Variants in SUGCT observed in about 807,000 individuals in gnomAD.
SUGCT encodes the protein succinyl-CoA:glutarate CoA-transferase.
A neutral mutation model predicts 55.0 loss-of-function variants in SUGCT; 41 were observed. That is an observed-to-expected ratio of 0.74 (90% CI 0.58 to 0.97). The LOEUF (loss-of-function observed/expected upper bound fraction) is 0.97. Among genes scored for constraint, SUGCT ranks in the 50% least tolerant of loss-of-function variants. The pLI is 0.00. For synonymous variants in SUGCT, 187 were observed against 200.4 expected (o/e 0.93, Z 0.56); for missense variants, 568 against 547.8 (o/e 1.04, Z -0.37).
intron 12 of SUGCT, among the ~76,000 whole-genome samples, chr7:40,645,794 C>G (rs553836318): frequency 2.6e-5 from 4 of 152,258 alleles, no homozygotes; most frequent in African/African-American, 9.6e-5. Flanking sequence ...GGTGGGAGGT[C>G]AGCTTCTCTG....
Position 40,738,632 on chromosome 7 carries a change from C to T in SUGCT, c.1090-10802C>T, listed in dbSNP as rs115127090. Among the ~76,000 whole-genome samples, 1,370 of 152,192 alleles carry T rather than the reference C, an allele frequency of 9.0e-3. 16 individuals are homozygous for T. Among genetic ancestry groups the T allele is most frequent in the African/African-American group, 0.031 (1,284 of 41,528 alleles). ...TCATGTCAATAAAAATTTGAATTCA[C>T]CTGAAACAGATAATTATTCTAAAAT... On this transcript the variant is annotated intron_variant, in intron 12 of 13. Coordinates refer to ENST00000335693, the MANE Select transcript of SUGCT (RefSeq NM_001193313.2).
chr7:40,663,480 GGTGTAT>G (rs1562933193), intron 12 of SUGCT, among the ~76,000 whole-genome samples: 6 of 136,336 alleles, frequency 4.4e-5, no homozygotes, highest in African/African-American at 1.8e-4. Context: ...ATTACTTTGT[GGTGTAT>G]GTGTGTGTGT....
At chr7:40,960,950 A>C in the SUGCT span, among the ~76,000 whole-genome samples, 3 of 152,242 alleles carry the variant, frequency 2.0e-5, no homozygotes, top group African/African-American at 7.2e-5. Flanking sequence ...GGAAAGTCTG[A>C]AAAGCATTTA....
intron 10 of SUGCT, among the ~76,000 whole-genome samples, chr7:40,453,657 C>T (rs780223459): frequency 6.6e-6 from 1 of 152,166 alleles, no homozygotes; most frequent in Non-Finnish European, 1.5e-5. Flanking sequence ...AACTGGCAGC[C>T]TGGATGTAAC....
At chr7:40,226,225 G>A (rs1227968210) in intron 6 of SUGCT, among the ~76,000 whole-genome samples, 1 of 152,060 alleles carries the variant, frequency 6.6e-6, no homozygotes. Context: ...TGTACCATAA[G>A]GGCAAAAGAG....
intron 12 of SUGCT, among the ~76,000 whole-genome samples, chr7:40,728,912 A>T (rs1389357470): frequency 6.6e-6 from 1 of 152,150 alleles, no homozygotes; most frequent in African/African-American, 2.4e-5. Context: ...TGTGTGCCAA[A>T]TGCTCCTCAG....
chr7:41,009,752 C>T, the SUGCT span, among the ~76,000 whole-genome samples: 8 of 152,224 alleles, frequency 5.3e-5, no homozygotes, highest in African/African-American at 1.4e-4. Flanking sequence ...GATTCTTGTC[C>T]CTTAAAAGCT....
chr7:40,892,785 A>G, the SUGCT span, among the ~76,000 whole-genome samples: 1 of 152,166 alleles, frequency 6.6e-6, no homozygotes, highest in Non-Finnish European at 1.5e-5. Flanking sequence ...TGATCCTCTC[A>G]TCGTGACCTC....
At chr7:40,805,922 C>T (rs902463546) in intron 13 of SUGCT, among the ~76,000 whole-genome samples, 2 of 152,164 alleles carry the variant, frequency 1.3e-5, no homozygotes, top group Admixed American at 1.3e-4. Context: ...ACGTTAGAGA[C>T]AAATGCCAGG....
At chr7:40,293,386 C>G (rs1340567740) in intron 8 of SUGCT, among the ~76,000 whole-genome samples, 3 of 152,194 alleles carry the variant, frequency 2.0e-5, no homozygotes, top group African/African-American at 7.2e-5. Context: ...TCTGCTGTCT[C>G]TTTCCCATCC....
intron 12 of SUGCT, among the ~76,000 whole-genome samples, chr7:40,566,066 T>C (rs1435475863): frequency 1.3e-5 from 2 of 151,596 alleles, no homozygotes; most frequent in Non-Finnish European, 2.9e-5. Flanking sequence ...GGCCATAATA[T>C]ACACTCAGTG....
intron 12 of SUGCT, among the ~76,000 whole-genome samples, chr7:40,530,379 C>T (rs1274652171): frequency 6.6e-6 from 1 of 152,120 alleles, no homozygotes; most frequent in Non-Finnish European, 1.5e-5. Flanking sequence ...AATAAAAATT[C>T]AAACTGACCA....
chr7:40,371,782 G>C (rs1442561083), intron 9 of SUGCT, among the ~76,000 whole-genome samples: 1 of 151,966 alleles, frequency 6.6e-6, no homozygotes, highest in African/African-American at 2.4e-5. Flanking sequence ...TCTTCGAAAA[G>C]ATTACAGAAA....
the SUGCT span, chr7:40,967,136 T>C: frequency 1.3e-5 from 2 of 152,240 alleles, no homozygotes; most frequent in Admixed American, 1.3e-4. Context: ...GTTACCCAAA[T>C]GGGTGAGAAA....
chr7:40,139,088 G>C (rs1243705111), intron 1 of SUGCT, among the ~76,000 whole-genome samples: 1 of 151,206 alleles, frequency 6.6e-6, no homozygotes, highest in African/African-American at 2.4e-5. Flanking sequence ...ATTGCCCATT[G>C]TACTCCAGCC....
the SUGCT span, among the ~76,000 whole-genome samples, chr7:41,032,151 C>G: frequency 1.5e-4 from 23 of 152,220 alleles, no homozygotes; most frequent in African/African-American, 5.5e-4. Flanking sequence ...AACCAACAAG[C>G]AAATACACAC....
chr7:40,219,740 A>G (rs576801364), intron 6 of SUGCT, among the ~76,000 whole-genome samples: 109 of 152,284 alleles, frequency 7.2e-4, no homozygotes, highest in African/African-American at 2.5e-3. Context: ...AAAAAAAACT[A>G]AAAAACTTCT....
intron 1 of SUGCT, among the ~76,000 whole-genome samples, chr7:40,165,057 A>G (rs1784356371): frequency 6.6e-6 from 1 of 152,198 alleles, no homozygotes; most frequent in Non-Finnish European, 1.5e-5. Context: ...ACTATTATAG[A>G]TAAAGCTTCA....
chr7:40,415,520 A>G (rs556580408), intron 9 of SUGCT, among the ~76,000 whole-genome samples: 1 of 151,072 alleles, frequency 6.6e-6, no homozygotes, highest in African/African-American at 2.4e-5. Context: ...TTTTTTATCT[A>G]ATCAAATATT....
Sources: gnomAD v4.1 joint callset for allele counts (sites outside exome capture counted in the v4.1 genomes callset) on GRCh38, gnomAD v4.1.1 for gene constraint, MANE v1.5 for transcripts, NCBI Gene and HGNC (gene_info 2026-07-23, HGNC 2026-07-21) for gene names.